The following PSG4 variants were observed in gnomAD, a reference collection of about 807,000 sequenced individuals.
PSG4 encodes pregnancy specific beta-1-glycoprotein 4, also known as pregnancy-specific beta-1-glycoprotein 4.
PSG4 carries 61 observed loss-of-function variants against 44.3 expected under a neutral mutation model. The ratio of observed to expected loss-of-function variants is 1.38; its 90% CI spans 1.12 to 1.70. PSG4 has a LOEUF of 1.70. Among genes scored for constraint, PSG4 ranks in the 40% most tolerant of loss-of-function variants. The probability of loss-of-function intolerance (pLI) is 0.00; values close to 1 mark genes in which losing one functional copy is unlikely to be tolerated. For synonymous variants in PSG4, 248 were observed against 191.3 expected (o/e 1.30, Z -2.45); for missense variants, 677 against 511.7 (o/e 1.32, Z -3.12).
chr19:43,201,164 G>T lies in PSG4; in HGVS notation c.430+2722C>A, dbSNP rs1474201473. ...GAGTCCATCTGGCATCTAGTCTCAG[G>T]CTGGCTGTCCTCACTCGTTCCTGGG... On this transcript the variant is annotated intron_variant, in intron 2 of 5. Transcript: ENST00000405312. 3.4e-5 allele frequency among the ~76,000 whole-genome samples: 5 copies of T among 145,714 alleles called. 1 individual carries two copies. Among genetic ancestry groups the T allele is most frequent in the African/African-American group, 1.3e-4 (5 of 38,068 alleles).
In PSG4 at chr19:43,194,364, T is replaced by C; in HGVS notation, c.1219A>G (p.Lys407Glu). The change falls in exon 5 of 6, where the codon AAA becomes GAA. Residue 407 changes from lysine (K) to glutamate (E), a missense_variant. By Grantham distance (56) the Lys-to-Glu change is moderately conservative. Transcript: ENST00000405312. ...CCAGAGACTTTGACTGTGATGGATT[T>C]GGAGCTTTCCTTGCCAGTGGCTGAG... ...RNSATGKESS[K>E]SITVKVSDWI... is the part of the protein sequence containing the mutation. 1 of 1,612,430 alleles carries C rather than the reference T, an allele frequency of 6.2e-7. No homozygotes were observed. Among genetic ancestry groups the C allele is most frequent in the African/African-American group, 1.3e-5 (1 of 74,690 alleles).
chr19:43,195,064 G>C lies in PSG4; in HGVS notation c.919C>G (p.Pro307Ala). 1 of 1,611,682 alleles carries C rather than the reference G, an allele frequency of 6.2e-7. No individual in the cohort carries two copies. Among genetic ancestry groups the C allele is most frequent in the South Asian group, 1.1e-5 (1 of 91,012 alleles). Residue 307 changes from proline (P) to alanine (A), a missense_variant, in exon 4 of 6, where the codon CCT (proline) becomes GCT (alanine). Transcript: ENST00000405312. ...CGGTCCCGTATTTCACATTGATAAGGTCCTGTTTCATTTCTCGTGACATTG... is the reference window on the plus strand; with the variant it reads ...CGGTCCCGTATTTCACATTGATAAGCTCCTGTTTCATTTCTCGTGACATTG... ...LPNVTRNETG[P>A]YQCEIRDRYG... is the part of the protein sequence containing the mutation.
rs756446301 is a variant in PSG4 at position 43,195,146 on chromosome 19, G to T, written c.837C>A (p.Ser279Arg). The T allele has an allele frequency of 8.7e-6, 14 of 1,610,432 alleles. No individual in the cohort carries two copies. The highest frequency in any genetic ancestry group is 2.2e-5 in the South Asian group (2 of 90,936). Residue 279 changes from serine to arginine, a missense_variant, in exon 4 of 6, where the codon AGC (serine) becomes AGA (arginine). Ser to Arg is a moderately radical substitution (Grantham distance 110, BLOSUM62 -1). Transcript: ENST00000405312. ...GCTTTACCCTGGGACTGACAGGGAG[G>T]CTCTGACCATTTAGCCACCAAATGT... ...YTYIWWLNGQ[S>R]LPVSPRVKRP...
intron 3 of PSG4, 75 bp downstream of exon 3, chr19:43,197,922 G>C: frequency 6.4e-7 from 1 of 1,571,342 alleles, no homozygotes. Context: ...ACCTGAGAGG[G>C]ACTGAGAGGC....
chr19:43,194,842 C>A (rs1967165150), intron 4 of PSG4, 153 bp downstream of exon 4: 2 of 1,491,804 alleles, frequency 1.3e-6, no homozygotes, highest in Admixed American at 4.7e-5. Flanking sequence ...CTGTGCCTAC[C>A]TAGGTTTTCC....
chr19:43,204,383 C>G (rs911989619), intron 1 of PSG4, 132 bp from the exon 2 acceptor site: 6 of 1,223,438 alleles, frequency 4.9e-6, no homozygotes, highest in Non-Finnish European at 6.7e-6. Flanking sequence ...CATACACACA[C>G]TAAAGGGGCG....
intron 3 of PSG4, 39 bp downstream of exon 3, chr19:43,197,958 G>A (rs1287014636): frequency 6.3e-7 from 1 of 1,587,140 alleles, no homozygotes; most frequent in African/African-American, 1.4e-5. Context: ...GTGTATTTGG[G>A]ATGGCAGCCT....
chr19:43,202,898 A>T lies in PSG4; in HGVS notation c.430+988T>A, dbSNP rs566286429. Among the ~76,000 whole-genome samples, 747 of 144,600 alleles carry T rather than the reference A, an allele frequency of 5.2e-3. 94 individuals are homozygous for T. The highest frequency in any genetic ancestry group is 0.031 in the Middle Eastern group (9 of 286). The allele number at this position is 144,600 out of a possible 152,430, so 94.9% of individuals were successfully genotyped here. A position where few individuals can be genotyped will look rare whatever the true frequency, so the allele number is the denominator to read the frequency against. ...CCCTCACTTCTGGTGGAGGAGAGGA[A>T]GGGCCTGTGGCTGCAGACAGACCTC... On this transcript the variant is annotated intron_variant, in intron 2 of 5. Coordinates refer to ENST00000405312, the MANE Select transcript of PSG4 (RefSeq NM_002780.5).
chr19:43,195,209 T>C lies in PSG4; in HGVS notation c.774A>G (p.Leu258=), dbSNP rs1437027472. ...TACTCTTAGGTTCACAGGTGAAGGTTAAGACATCCTTATTCTCTCTGGGGT... is the reference window on the plus strand; with the variant it reads ...TACTCTTAGGTTCACAGGTGAAGGTCAAGACATCCTTATTCTCTCTGGGGT... ...NLNPRENKDV[L]TFTCEPKSKN... The change falls in exon 4 of 6, where the codon TTA becomes TTG. Residue 258 remains leucine, a synonymous_variant. Transcript: ENST00000405312. 6.2e-7 allele frequency: 1 copy of C among 1,610,270 alleles called. No individual in the cohort carries two copies. The highest frequency in any genetic ancestry group is 1.7e-5 in the Admixed American group (1 of 59,848).
In PSG4 at chr19:43,199,599, A is replaced by G. The variant is rs1246399205; in HGVS notation, c.431-1324T>C. On this transcript the variant is annotated intron_variant, in intron 2 of 5. Coordinates refer to ENST00000405312, the MANE Select transcript of PSG4 (RefSeq NM_002780.5). ...ATCACATCAGTGGTCAGAAGGGTTG[A>G]GTTTTGAGCATTTCAGATTGTGGAT... is the stretch of plus-strand genomic sequence containing the variant. 1.4e-5 allele frequency among the ~76,000 whole-genome samples: 2 copies of G among 145,310 alleles called. 1 individual carries two copies. The highest frequency in any genetic ancestry group is 3.0e-5 in the Non-Finnish European group (2 of 67,172).
intron 2 of PSG4, among the ~76,000 whole-genome samples, chr19:43,201,707 C>T (rs1267439322): frequency 6.9e-6 from 1 of 145,572 alleles, no homozygotes; most frequent in Non-Finnish European, 1.5e-5. Context: ...AATCTCTAAC[C>T]CCTGCTCCAC....
At chr19:43,198,318 T>C (rs1967350107) in intron 2 of PSG4, 43 bp from the exon 3 acceptor site, 2 of 1,555,942 alleles carry the variant, frequency 1.3e-6, no homozygotes, top group Non-Finnish European at 1.7e-6. Context: ...GTGGCATCTT[T>C]GATTCTTCCA....
Position 43,204,222 on chromosome 19 carries a change from T to A in PSG4, c.94A>T (p.Thr32Ser), listed in dbSNP as rs1400570134. ...GCTTCAATCGTGACTTGGGCAGTTG[T>A]GGGCGGATTCCAGAAGTTTAAAAGT... ...ASLLNFWNPPTTAQVTIEAQP... is the reference protein window; with the variant it reads ...ASLLNFWNPPSTAQVTIEAQP... Residue 32 changes from threonine to serine, a missense_variant, in exon 2 of 6, where the codon ACA becomes TCA. Transcript: ENST00000405312. 3 of 1,580,514 alleles carry A rather than the reference T, an allele frequency of 1.9e-6. No individual in the cohort carries two copies. The Admixed American group carries it at 5.2e-5, about 27-fold the overall frequency.
At position 43,193,358 on chromosome 19, in the gene PSG4, G is replaced by C; in HGVS notation, c.*14C>G. ...TTCCATGGGAGAAAATGGAATTGGA[G>C]GAACTAGTAGAATTCAGGGTAATAT... On this transcript the variant is annotated 3_prime_UTR_variant, in exon 6 of 6. Coordinates refer to ENST00000405312, the MANE Select transcript of PSG4 (RefSeq NM_002780.5). 2 of 775,074 alleles carry C rather than the reference G, an allele frequency of 2.6e-6. No individual in the cohort carries two copies. 48.0% of individuals were successfully genotyped at this position (775,074 alleles called of 1,614,324 possible). A position where few individuals can be genotyped will look rare whatever the true frequency, so the allele number is the denominator to read the frequency against.
At chr19:43,194,134 G>A (rs550968018) in intron 5 of PSG4, 4 of 1,424,860 alleles carry the variant, frequency 2.8e-6, no homozygotes, top group Non-Finnish European at 3.8e-6. Flanking sequence ...GCTTGGTCTA[G>A]GCTGGGAATT....
chr19:43,194,041 G>C (rs891076183), intron 5 of PSG4: 7 of 1,086,104 alleles, frequency 6.4e-6, no homozygotes, highest in Admixed American at 2.9e-5. Flanking sequence ...ACCATTTAAA[G>C]AATCAGCAAA....
intron 5 of PSG4, 167 bp downstream of exon 5, chr19:43,194,173 G>A: frequency 6.6e-7 from 1 of 1,525,482 alleles, no homozygotes; most frequent in Non-Finnish European, 8.8e-7. Context: ...GTTTGTTAAA[G>A]TTTTGGAAGT....
chr19:43,196,082 C>G (rs4239522), intron 3 of PSG4, among the ~76,000 whole-genome samples: 21,669 of 151,396 alleles, frequency 0.14, 2,639 homozygotes, highest in East Asian at 0.37. Context: ...TACATATGGA[C>G]ATTTGCAAAA....
intron 2 of PSG4, among the ~76,000 whole-genome samples, chr19:43,202,820 A>G (rs11670923): frequency 0.66 from 93,765 of 142,614 alleles, 34,234 homozygotes; most frequent in East Asian, 0.89. Context: ...GGATGCCTAA[A>G]AAGAGAGGAT....
Sources: gnomAD v4.1 joint callset for allele counts (sites outside exome capture counted in the v4.1 genomes callset) on GRCh38, gnomAD v4.1.1 for gene constraint, MANE v1.5 for transcripts, NCBI Gene and HGNC (gene_info 2026-07-23, HGNC 2026-07-21) for gene names.